Variants in ARHGEF3 observed in about 807,000 individuals in gnomAD.
The protein encoded by ARHGEF3 is 59.8 kDA protein.
ARHGEF3 carries 28 observed loss-of-function variants against 63.2 expected under a neutral mutation model. The observed-to-expected ratio is 0.44, with a 90% CI of 0.33 to 0.61. ARHGEF3 has a LOEUF of 0.61. ARHGEF3 is among the 20% of genes least tolerant of loss of function. The probability of loss-of-function intolerance (pLI) is 0.03; values close to 1 mark genes in which losing one functional copy is unlikely to be tolerated. For missense variants in ARHGEF3, 533 were observed against 659.3 expected (o/e 0.81, Z 2.10); for synonymous variants, 266 against 254.2 (o/e 1.05, Z -0.44).
chr3:56,873,225 T>TG lies in ARHGEF3; in HGVS notation c.192+9066_192+9067insC, dbSNP rs1179075961. 7.2e-4 allele frequency among the ~76,000 whole-genome samples: 100 copies of TG among 138,746 alleles called. 1 individual carries two copies. In the East Asian group the frequency reaches 0.019, roughly 26 times the overall value. 91.0% of individuals were successfully genotyped at this position (138,746 alleles called of 152,430 possible). A position where few individuals can be genotyped will look rare whatever the true frequency, so the allele number is the denominator to read the frequency against. ...AGTTTTACTTTTGTGCTATGTTTGTTTTTTTTTTTTTAACTTTTAAGTTCA... is the reference window on the plus strand; with the variant it reads ...AGTTTTACTTTTGTGCTATGTTTGTTGTTTTTTTTTTTAACTTTTAAGTTCA... On this transcript the variant is annotated intron_variant, in intron 4 of 12. Coordinates refer to the ARHGEF3 transcript ENST00000338458.
chr3:56,792,792 C>T (rs1192773585), intron 1 of ARHGEF3, among the ~76,000 whole-genome samples: 1 of 151,536 alleles, frequency 6.6e-6, no homozygotes, highest in Non-Finnish European at 1.5e-5. Flanking sequence ...TTAGTATGCA[C>T]AGAAAGTGTG....
intron 2 of ARHGEF3, among the ~76,000 whole-genome samples, chr3:56,996,677 AT>A (rs1701998987): frequency 1.3e-5 from 2 of 152,118 alleles, no homozygotes; most frequent in Non-Finnish European, 2.9e-5. Context: ...CACTCTCTTT[AT>A]GATGTATTGC....
intron 1 of ARHGEF3, among the ~76,000 whole-genome samples, chr3:57,062,265 T>G (rs1705262829): frequency 6.6e-6 from 1 of 152,088 alleles, no homozygotes. Flanking sequence ...GCTGGGTGAG[T>G]GCCTTCAAGC....
intron 4 of ARHGEF3, among the ~76,000 whole-genome samples, chr3:56,859,741 T>A (rs970390812): frequency 5.3e-5 from 8 of 151,488 alleles, no homozygotes; most frequent in African/African-American, 1.9e-4. Context: ...TTTTGCCATG[T>A]TGGCCAGGCT....
At chr3:56,733,174 T>G (rs1326274622) in intron 8 of ARHGEF3, among the ~76,000 whole-genome samples, 3 of 151,626 alleles carry the variant, frequency 2.0e-5, no homozygotes, top group South Asian at 2.1e-4. Flanking sequence ...TCCCAGCTAC[T>G]TGGGAGCCTG....
At chr3:57,066,472 A>T in intron 1 of ARHGEF3, among the ~76,000 whole-genome samples, 1 of 152,180 alleles carries the variant, frequency 6.6e-6, no homozygotes, top group East Asian at 1.9e-4. Flanking sequence ...CATGTTGGCT[A>T]GGCTGGTCTT....
intron 2 of ARHGEF3, among the ~76,000 whole-genome samples, chr3:57,004,000 G>A (rs1702367134): frequency 6.6e-6 from 1 of 152,242 alleles, no homozygotes; most frequent in African/African-American, 2.4e-5. Context: ...TGTTACAGCA[G>A]CCACTGGAAA....
intron 3 of ARHGEF3, among the ~76,000 whole-genome samples, chr3:56,949,770 G>GA (rs1189168231): frequency 6.6e-6 from 1 of 151,930 alleles, no homozygotes. Context: ...CACAGAATTG[G>GA]AAAAAACTAC....
chr3:57,017,063 CACGA>C (rs1293168144), intron 2 of ARHGEF3, among the ~76,000 whole-genome samples: 30 of 149,958 alleles, frequency 2.0e-4, no homozygotes, highest in South Asian at 8.6e-4. Flanking sequence ...CACACACACA[CACGA>C]GTCACCAAAC....
chr3:56,781,628 C>G (rs1434744958), intron 1 of ARHGEF3, among the ~76,000 whole-genome samples: 1 of 152,180 alleles, frequency 6.6e-6, no homozygotes, highest in African/African-American at 2.4e-5. Context: ...GCTTATGGTA[C>G]TTTGTTATAG....
chr3:56,864,598 C>G (rs181413645), intron 4 of ARHGEF3, among the ~76,000 whole-genome samples: 1 of 152,194 alleles, frequency 6.6e-6, no homozygotes. Context: ...CAGCACCTTG[C>G]CTGGTTTGCT....
At chr3:56,737,441 C>A in intron 7 of ARHGEF3, 86 bp from the exon 8 acceptor site, 1 of 1,039,598 alleles carries the variant, frequency 9.6e-7, no homozygotes. Flanking sequence ...TAGAAGGACA[C>A]CAGGACACAC....
chr3:56,955,112 C>T (rs1049007858), intron 3 of ARHGEF3, among the ~76,000 whole-genome samples: 1 of 152,026 alleles, frequency 6.6e-6, no homozygotes, highest in East Asian at 1.9e-4. Flanking sequence ...ACCATCACCT[C>T]GTCCCCCACC....
chr3:56,775,367 A>G (rs1298903777), intron 1 of ARHGEF3: 34 of 1,071,346 alleles, frequency 3.2e-5, no homozygotes, highest in Non-Finnish European at 3.8e-5. Context: ...CAGCATTTGC[A>G]TATAAAAATT....
intron 4 of ARHGEF3, among the ~76,000 whole-genome samples, chr3:56,834,852 T>C (rs1241822810): frequency 6.6e-6 from 1 of 152,170 alleles, no homozygotes; most frequent in Non-Finnish European, 1.5e-5. Flanking sequence ...GCAGTATCTG[T>C]GCATCATGTG....
At chr3:56,811,388 G>A (rs755925215) in intron 4 of ARHGEF3, among the ~76,000 whole-genome samples, 35 of 152,118 alleles carry the variant, frequency 2.3e-4, no homozygotes, top group Non-Finnish European at 4.3e-4. Context: ...CAGATGGTGG[G>A]GGTGGGGGCA....
chr3:56,858,156 A>G (rs1245795736), intron 4 of ARHGEF3, among the ~76,000 whole-genome samples: 2 of 147,286 alleles, frequency 1.4e-5, no homozygotes, highest in East Asian at 4.1e-4. Context: ...AGGCAGGAGG[A>G]TCGCTTGAGC....
At chr3:56,814,247 T>C (rs2038179294) in intron 4 of ARHGEF3, among the ~76,000 whole-genome samples, 2 of 152,228 alleles carry the variant, frequency 1.3e-5, no homozygotes, top group Non-Finnish European at 1.5e-5. Flanking sequence ...TGGCTTTGAA[T>C]GTGGCCCAAC....
At chr3:57,067,777 C>G (rs1178443181) in intron 1 of ARHGEF3, among the ~76,000 whole-genome samples, 1 of 149,704 alleles carries the variant, frequency 6.7e-6, no homozygotes, top group African/African-American at 2.5e-5. Context: ...GTCAGGAGAT[C>G]GAGACCATTG....
Sources: allele counts gnomAD v4.1 joint callset (sites outside exome capture counted in the v4.1 genomes callset), GRCh38; gene constraint gnomAD v4.1.1; transcripts MANE v1.5; gene names NCBI Gene and HGNC (gene_info 2026-07-23, HGNC 2026-07-21).